Variants in ERGIC1 observed in about 807,000 individuals in gnomAD.
ERGIC1 encodes endoplasmic reticulum-Golgi intermediate compartment protein 1.
Under a neutral mutation model 38.3 loss-of-function variants are expected in ERGIC1, and 19 were observed. The ratio of observed to expected loss-of-function variants is 0.50; its 90% confidence interval spans 0.35 to 0.73. The LOEUF is 0.73. Ranked by LOEUF, ERGIC1 falls within the 30% of genes least tolerant of loss-of-function variation. The pLI is 0.01. For synonymous variants in ERGIC1, 124 were observed against 157.6 expected, an observed-to-expected ratio of 0.79 and a Z score of 1.60; for missense variants, 294 against 389.2, an observed-to-expected ratio of 0.76 and a Z score of 2.06.
intron 1 of ERGIC1, among the ~76,000 whole-genome samples, chr5:172,872,066 G>A (rs908896345): frequency 3.3e-5 from 5 of 152,042 alleles, no homozygotes; most frequent in African/African-American, 2.4e-5. Flanking sequence ...AGGTCTCTTC[G>A]CTGTGCTCCC....
chr5:172,907,596 C>T (rs1378356330), intron 3 of ERGIC1, among the ~76,000 whole-genome samples: 1 of 152,074 alleles, frequency 6.6e-6, no homozygotes, highest in Non-Finnish European at 1.5e-5. Context: ...AGCCTCCTTA[C>T]ACTGCAACCA....
At chr5:172,871,302 A>G (rs1442396481) in intron 1 of ERGIC1, among the ~76,000 whole-genome samples, 3 of 151,990 alleles carry the variant, frequency 2.0e-5, no homozygotes, top group East Asian at 3.9e-4. Flanking sequence ...TGTTCCAGGA[A>G]CCTGCCAGAT....
intron 1 of ERGIC1, among the ~76,000 whole-genome samples, chr5:172,856,858 C>CT (rs565145571): frequency 7.9e-4 from 121 of 152,240 alleles, no homozygotes; most frequent in African/African-American, 2.8e-3. Flanking sequence ...CTCAGTATCC[C>CT]TATTTATGAG....
At chr5:172,923,936 G>A in intron 5 of ERGIC1, 69 bp from the exon 6 acceptor site, 1 of 1,376,052 alleles carries the variant, frequency 7.3e-7, no homozygotes. Context: ...GATCACACAG[G>A]GTGAGGCCCC....
chr5:172,887,396 CT>C (rs1762450041), intron 1 of ERGIC1, among the ~76,000 whole-genome samples: 1 of 152,222 alleles, frequency 6.6e-6, no homozygotes, highest in Non-Finnish European at 1.5e-5. Context: ...GGAGCCTCCC[CT>C]GCGAGCTCTC....
intron 5 of ERGIC1, among the ~76,000 whole-genome samples, chr5:172,923,058 C>G (rs1204994560): frequency 1.3e-5 from 2 of 151,726 alleles, no homozygotes; most frequent in African/African-American, 2.4e-5. Flanking sequence ...ACCAAGGGTT[C>G]TAGTCTGAGC....
intron 1 of ERGIC1, among the ~76,000 whole-genome samples, chr5:172,858,612 C>G (rs1049464772): frequency 6.6e-6 from 1 of 152,214 alleles, no homozygotes; most frequent in African/African-American, 2.4e-5. Context: ...TGCCGGCATC[C>G]AGCCCTGATG....
At chr5:172,872,124 C>A (rs897762149) in intron 1 of ERGIC1, among the ~76,000 whole-genome samples, 4 of 152,168 alleles carry the variant, frequency 2.6e-5, no homozygotes, top group Non-Finnish European at 5.9e-5. Context: ...ACATGTACCC[C>A]AGCTTGGCCA....
intron 1 of ERGIC1, among the ~76,000 whole-genome samples, chr5:172,844,935 T>G (rs1432290036): frequency 6.6e-6 from 1 of 152,218 alleles, no homozygotes; most frequent in East Asian, 1.9e-4. Flanking sequence ...TAGTCACTGC[T>G]TATCAAGTGC....
intron 1 of ERGIC1, among the ~76,000 whole-genome samples, chr5:172,883,904 G>C (rs1305585906): frequency 6.6e-6 from 1 of 152,138 alleles, no homozygotes; most frequent in Non-Finnish European, 1.5e-5. Flanking sequence ...GATCGCCTGA[G>C]CCTTGGGAGG....
At chr5:172,836,172 T>C (rs1446093816) in intron 1 of ERGIC1, among the ~76,000 whole-genome samples, 1 of 152,176 alleles carries the variant, frequency 6.6e-6, no homozygotes, top group African/African-American at 2.4e-5. Flanking sequence ...TTATGGGTGC[T>C]AAATGGGAAG....
Position 172,935,509 on chromosome 5 carries a change from G to T in ERGIC1, c.765+199G>T, listed in dbSNP as rs770441570. 4 of 611,606 alleles carry T rather than the reference G, an allele frequency of 6.5e-6. No individual in the cohort carries two copies. In the East Asian group the frequency reaches 1.1e-4, roughly 17 times the overall value. 37.9% of individuals were successfully genotyped at this position (611,606 alleles called of 1,614,324 possible). A position where few individuals can be genotyped will look rare whatever the true frequency, so the allele number is the denominator to read the frequency against. ...TCAGAAACACATCAGTATCGATGAC[G>T]TTTTGTCTAGAAAGTATTTTCCAGA... is the stretch of plus-strand genomic sequence containing the variant. On this transcript the variant is annotated intron_variant, in intron 9 of 9. Coordinates refer to ENST00000393784, the MANE Select transcript of ERGIC1 (RefSeq NM_001031711.3).
intron 9 of ERGIC1, among the ~76,000 whole-genome samples, chr5:172,949,910 A>G (rs1764196678): frequency 6.6e-6 from 1 of 152,162 alleles, no homozygotes; most frequent in South Asian, 2.1e-4. Context: ...TGTCTCTACT[A>G]AAAATACAAA....
At chr5:172,858,459 G>A (rs565083198) in intron 1 of ERGIC1, among the ~76,000 whole-genome samples, 78 of 152,302 alleles carry the variant, frequency 5.1e-4, no homozygotes, top group African/African-American at 1.3e-3. Flanking sequence ...GGTGGTCTGC[G>A]CATCTGCACA....
At chr5:172,911,932 G>A (rs1763218169) in intron 4 of ERGIC1, among the ~76,000 whole-genome samples, 1 of 152,030 alleles carries the variant, frequency 6.6e-6, no homozygotes, top group African/African-American at 2.4e-5. Flanking sequence ...TCTGCTAGCA[G>A]GTGGGGCCCC....
In ERGIC1 at chr5:172,837,842, T is replaced by C. The variant is rs1581500364; in HGVS notation, c.20+3409T>C. Among the ~76,000 whole-genome samples the C allele has an allele frequency of 6.6e-6, 1 of 152,180 alleles. No individual in the cohort carries two copies. Among genetic ancestry groups the C allele is most frequent in the Non-Finnish European group, 1.5e-5 (1 of 68,044 alleles). On this transcript the variant is annotated intron_variant, in intron 1 of 9. Transcript: ENST00000393784. The surrounding 1 kb of genome is among the most constrained non-coding windows in gnomAD (Gnocchi z 4.3). The stretch of plus-strand genomic sequence containing the variant: ...CCTTGTGACCCACATCCGTGTGTGT[T>C]GTTTCGAGTTCCGGCTGGCCTGGGG...
intron 4 of ERGIC1, among the ~76,000 whole-genome samples, chr5:172,912,633 C>T (rs930257446): frequency 1.2e-4 from 19 of 152,216 alleles, no homozygotes; most frequent in Admixed American, 4.6e-4. Flanking sequence ...GTGATCCACC[C>T]GCCTCAGCCT....
intron 7 of ERGIC1, among the ~76,000 whole-genome samples, chr5:172,931,925 C>A (rs1763785413): frequency 6.8e-6 from 1 of 146,856 alleles, no homozygotes; most frequent in South Asian, 2.1e-4. Context: ...GTGGCATGAC[C>A]TTAGCTCACT....
intron 3 of ERGIC1, among the ~76,000 whole-genome samples, chr5:172,899,373 AG>A (rs1427396538): frequency 7.4e-6 from 1 of 134,894 alleles, no homozygotes; most frequent in Non-Finnish European, 1.5e-5. Context: ...GCTGTAGTGC[AG>A]TGGCGTGATC....
Sources: gnomAD v4.1 joint callset for allele counts (sites outside exome capture counted in the v4.1 genomes callset) on GRCh38, gnomAD v4.1.1 for gene constraint, Gnocchi (gnomAD v3.1) non-coding constraint, MANE v1.5 for transcripts, NCBI Gene and HGNC (gene_info 2026-07-23, HGNC 2026-07-21) for gene names.